The following USH2A variants were observed in gnomAD, a reference collection of about 807,000 sequenced individuals.
USH2A encodes usherin, also known as Usher syndrome 2A (autosomal recessive, mild).
Under a neutral mutation model 538.9 loss-of-function variants are expected in USH2A, and 443 were observed. The observed-to-expected ratio is 0.82, with a 90% CI of 0.76 to 0.89. The LOEUF (loss-of-function observed/expected upper bound fraction) is 0.89, where lower values mean the gene tolerates loss of function less well. USH2A is among the 40% of genes least tolerant of loss of function. The pLI, the probability that USH2A is intolerant of heterozygous loss-of-function variation, is 0.00. For synonymous variants in USH2A, 2,413 were observed against 2,273.5 expected, an observed-to-expected ratio of 1.06 and a Z score of -1.75; for missense variants, 6,633 against 6,324.8, an observed-to-expected ratio of 1.05 and a Z score of -1.65.
At chr1:216,002,997 C>A (rs1053287324) in intron 32 of USH2A, among the ~76,000 whole-genome samples, 2 of 152,096 alleles carry the variant, frequency 1.3e-5, no homozygotes, top group African/African-American at 2.4e-5. Context: ...AAGCCCTAAA[C>A]CCACCCAGAA....
chr1:215,803,538 T>C (rs1382316194), intron 49 of USH2A, among the ~76,000 whole-genome samples: 1 of 152,082 alleles, frequency 6.6e-6, no homozygotes, highest in Non-Finnish European at 1.5e-5. Context: ...TCACAATTGC[T>C]TCAAAGAGAA....
chr1:216,042,657 T>C (rs2030328756), intron 32 of USH2A, among the ~76,000 whole-genome samples: 4 of 152,236 alleles, frequency 2.6e-5, no homozygotes, highest in Middle Eastern at 3.4e-3. Context: ...CCCATCCCAA[T>C]GGCTAGATCA....
intron 21 of USH2A, among the ~76,000 whole-genome samples, chr1:216,112,520 T>C (rs1027786805): frequency 2.6e-5 from 4 of 152,158 alleles, no homozygotes; most frequent in Non-Finnish European, 5.9e-5. Context: ...TACATGAATT[T>C]GTGTCACGGG....
At chr1:216,201,715 A>T (rs2035005136) in intron 16 of USH2A, 2 of 214,718 alleles carry the variant, frequency 9.3e-6, no homozygotes, top group South Asian at 2.0e-4. Flanking sequence ...GCACTGACTC[A>T]GGTGAGGGCC....
intron 21 of USH2A, among the ~76,000 whole-genome samples, chr1:216,101,470 C>T (rs147012926): frequency 4.8e-4 from 73 of 152,274 alleles, no homozygotes; most frequent in Non-Finnish European, 7.5e-4. Context: ...AGTGGACATG[C>T]GGTGTGCGCA....
chr1:215,678,660 T>C (rs1014292853), intron 62 of USH2A, among the ~76,000 whole-genome samples: 10 of 152,164 alleles, frequency 6.6e-5, no homozygotes, highest in Admixed American at 3.3e-4. Context: ...TAGCTTATTG[T>C]TTGCTTTTCT....
At chr1:215,690,002 T>G (rs1310363512) in intron 61 of USH2A, among the ~76,000 whole-genome samples, 1 of 152,220 alleles carries the variant, frequency 6.6e-6, no homozygotes, top group Non-Finnish European at 1.5e-5. Context: ...AGTTCTGGAT[T>G]AAAGATACAT....
chr1:216,063,830 T>A (rs994510730), intron 30 of USH2A, among the ~76,000 whole-genome samples: 3 of 152,192 alleles, frequency 2.0e-5, no homozygotes, highest in African/African-American at 7.2e-5. Flanking sequence ...GGCTAATTGA[T>A]GTAAAAAAGA....
chr1:215,705,626 G>T (rs1659161937), intron 61 of USH2A, among the ~76,000 whole-genome samples: 1 of 152,122 alleles, frequency 6.6e-6, no homozygotes, highest in African/African-American at 2.4e-5. Context: ...ATGGTAAAAG[G>T]TCAGTGCTTA....
chr1:216,007,917 C>A (rs565306883), intron 32 of USH2A, among the ~76,000 whole-genome samples: 1 of 152,306 alleles, frequency 6.6e-6, no homozygotes, highest in Admixed American at 6.5e-5. Flanking sequence ...CATAACTGTA[C>A]ACAGAGATAG....
intron 58 of USH2A, among the ~76,000 whole-genome samples, chr1:215,750,834 C>T (rs1048549227): frequency 6.6e-6 from 1 of 151,894 alleles, no homozygotes; most frequent in Non-Finnish European, 1.5e-5. Context: ...ATGAGCAAAA[C>T]AATAGGACAT....
chr1:216,323,567 C>T lies in USH2A; in HGVS notation c.1457G>A (p.Arg486Lys). 2 of 1,613,408 alleles carry T rather than the reference C, an allele frequency of 1.2e-6. No homozygotes were observed. Among genetic ancestry groups the T allele is most frequent in the Non-Finnish European group, 8.5e-7 (1 of 1,179,728 alleles). The change falls in exon 8 of 72, where the codon AGG (arginine) becomes AAG (lysine). Residue 486 changes from arginine (R) to lysine (K), a missense_variant. Arg to Lys is a conservative substitution (Grantham distance 26). Transcript: ENST00000307340. Reference protein sequence around the residue: ...LQEFVKATQIRFHFHGQYYTT... With the variant: ...LQEFVKATQIKFHFHGQYYTT... ...ATAGTACTGCCCATGAAAATGAAAC[C>T]TTATTTGCGTGGCTTTTACGAACTC...
intron 38 of USH2A, among the ~76,000 whole-genome samples, chr1:215,918,423 C>T (rs1447807950): frequency 2.6e-5 from 4 of 152,024 alleles, no homozygotes; most frequent in Non-Finnish European, 5.9e-5. Flanking sequence ...AGACTTCTCA[C>T]CCCTTCTGCC....
At chr1:216,238,197 A>G (rs1399534282) in intron 13 of USH2A, among the ~76,000 whole-genome samples, 3 of 152,232 alleles carry the variant, frequency 2.0e-5, no homozygotes, top group Admixed American at 6.5e-5. Context: ...GCACTGCCCT[A>G]TTAGTACAAA....
intron 49 of USH2A, among the ~76,000 whole-genome samples, chr1:215,800,926 T>C (rs1399220519): frequency 6.6e-6 from 1 of 152,106 alleles, no homozygotes; most frequent in Admixed American, 6.5e-5. Flanking sequence ...AAAATGATTC[T>C]GCAACATGAC....
chr1:215,666,893 C>A (rs960903050), intron 64 of USH2A, among the ~76,000 whole-genome samples: 13 of 151,968 alleles, frequency 8.6e-5, no homozygotes, highest in African/African-American at 3.1e-4. Context: ...AGATTGAGAC[C>A]ATCCTGGCCA....
chr1:216,358,781 G>A (rs2038436619), intron 4 of USH2A, among the ~76,000 whole-genome samples: 1 of 152,040 alleles, frequency 6.6e-6, no homozygotes, highest in African/African-American at 2.4e-5. Flanking sequence ...AAATAAACCG[G>A]TTTCCTGTTA....
At chr1:215,953,472 C>A (rs1666981909) in intron 37 of USH2A, among the ~76,000 whole-genome samples, 2 of 152,076 alleles carry the variant, frequency 1.3e-5, no homozygotes, top group African/African-American at 4.8e-5. Context: ...GAAAGGATTC[C>A]CTATTTAATA....
chr1:216,218,210 T>C (rs930046975), intron 14 of USH2A, among the ~76,000 whole-genome samples: 2 of 152,250 alleles, frequency 1.3e-5, no homozygotes, highest in Non-Finnish European at 2.9e-5. Flanking sequence ...GCTAATGACA[T>C]AAATATAGTA....
Sources: allele counts gnomAD v4.1 joint callset (sites outside exome capture counted in the v4.1 genomes callset), GRCh38; gene constraint gnomAD v4.1.1; transcripts MANE v1.5; gene names NCBI Gene and HGNC (gene_info 2026-07-23, HGNC 2026-07-21).